Variants in SNX2 observed in about 807,000 individuals in gnomAD.
SNX2 encodes the protein sorting nexin 2, also known as sorting nexin-2.
SNX2 carries 25 observed loss-of-function variants against 69.9 expected under a neutral mutation model. That is an observed-to-expected ratio of 0.36 (90% CI 0.26 to 0.50). The LOEUF (loss-of-function observed/expected upper bound fraction) is 0.50. SNX2 is among the 20% of genes least tolerant of loss of function. The probability of loss-of-function intolerance (pLI) is 0.97; values close to 1 mark genes in which losing one functional copy is unlikely to be tolerated. For missense variants in SNX2, 551 were observed against 613.3 expected (o/e 0.90, Z 1.07); for synonymous variants, 229 against 200.4 (o/e 1.14, Z -1.20).
At chr5:122,801,798 A>G (rs1318620940) in intron 3 of SNX2, 71 bp from the exon 4 acceptor site, 1 of 961,684 alleles carries the variant, frequency 1.0e-6, no homozygotes. Context: ...AAAATAGATG[A>G]TAAAAATTAG....
intron 1 of SNX2, 45 bp downstream of exon 1, chr5:122,775,256 C>A: frequency 1.3e-6 from 2 of 1,517,068 alleles, no homozygotes; most frequent in Middle Eastern, 1.7e-4. Context: ...AGCTGCCGCG[C>A]GTCTCACCTT....
chr5:122,805,178 C>T (rs13163382), intron 6 of SNX2, among the ~76,000 whole-genome samples: 30,820 of 151,292 alleles, frequency 0.2, 3,549 homozygotes, highest in East Asian at 0.46. Flanking sequence ...GTAATCCCAG[C>T]TACTTGGGAG....
At chr5:122,785,944 A>G (rs1226559972) in intron 1 of SNX2, among the ~76,000 whole-genome samples, 3 of 152,320 alleles carry the variant, frequency 2.0e-5, no homozygotes, top group Middle Eastern at 3.4e-3. Context: ...TGTTTTATCA[A>G]TTACTGAGAG....
In SNX2 at chr5:122,806,144, A is replaced by G. The variant is rs201202703; in HGVS notation, c.644-2133A>G. On this transcript the variant is annotated intron_variant, in intron 6 of 14. Transcript: ENST00000379516. ...TGTATATATATACACACGCGCGCGC[A>G]CACACACACACACACACACACACAG... 8.6e-3 allele frequency among the ~76,000 whole-genome samples: 77 copies of G among 8,904 alleles called. No homozygotes were observed. The South Asian group carries it at 0.23, about 27-fold the overall frequency. The allele number at this position is 8,904 out of a possible 152,430, so 5.8% of individuals were successfully genotyped here. A position where few individuals can be genotyped will look rare whatever the true frequency, so the allele number is the denominator to read the frequency against.
In SNX2 at chr5:122,775,125, C is replaced by G; in HGVS notation, c.22C>G (p.Pro8Ala). MAAEREP[P>A]PLGDGKPTDF... ...GAAGATGGCGGCCGAGAGGGAACCTCCTCCGCTGGGGGACGGGAAGCCCAC... is the reference window on the plus strand; with the variant it reads ...GAAGATGGCGGCCGAGAGGGAACCTGCTCCGCTGGGGGACGGGAAGCCCAC... Residue 8 changes from proline (P) to alanine (A), a missense_variant, in exon 1 of 15, where the codon CCT becomes GCT. Physicochemically the swap from Pro to Ala is conservative, Grantham distance 27. Coordinates refer to ENST00000379516, the MANE Select transcript of SNX2 (RefSeq NM_003100.4). 1 of 1,593,082 alleles carries G rather than the reference C, an allele frequency of 6.3e-7. No individual in the cohort carries two copies. Among genetic ancestry groups the G allele is most frequent in the Non-Finnish European group, 8.5e-7 (1 of 1,171,680 alleles).
At chr5:122,827,211 T>A (rs1754168486) in intron 12 of SNX2, 168 bp from the exon 13 acceptor site, 6 of 596,774 alleles carry the variant, frequency 1.0e-5, no homozygotes, top group Non-Finnish European at 1.8e-5. Context: ...TAACATGCAT[T>A]TCTATTGGTT....
chr5:122,805,041 C>T (rs1320983253), intron 6 of SNX2, among the ~76,000 whole-genome samples: 1 of 151,942 alleles, frequency 6.6e-6, no homozygotes, highest in Admixed American at 6.6e-5. Context: ...CCTGTAATCT[C>T]GGCACTTTGG....
chr5:122,816,162 G>A (rs2150014191), intron 8 of SNX2, among the ~76,000 whole-genome samples, 191 bp downstream of exon 8: 1 of 152,198 alleles, frequency 6.6e-6, no homozygotes, highest in South Asian at 2.1e-4. Context: ...TACTTGTAGG[G>A]TGATTAGTCC....
intron 3 of SNX2, among the ~76,000 whole-genome samples, chr5:122,800,801 A>G (rs1312886569): frequency 8.0e-6 from 1 of 125,768 alleles, no homozygotes; most frequent in Non-Finnish European, 1.7e-5. Flanking sequence ...AACACTTTGC[A>G]TTTAGATAGT....
At chr5:122,828,326 G>A (rs1211025518) in intron 14 of SNX2, among the ~76,000 whole-genome samples, 2 of 151,906 alleles carry the variant, frequency 1.3e-5, no homozygotes, top group African/African-American at 4.8e-5. Flanking sequence ...TCTTCAAATT[G>A]TGTTTAATTT....
chr5:122,825,002 A>C (rs776437393), intron 11 of SNX2, among the ~76,000 whole-genome samples: 13 of 152,250 alleles, frequency 8.5e-5, no homozygotes, highest in Non-Finnish European at 1.3e-4. Context: ...CCATGGTCAT[A>C]CGGTGACAAA....
At chr5:122,817,142 C>G in intron 9 of SNX2, 114 bp downstream of exon 9, 3 of 1,122,562 alleles carry the variant, frequency 2.7e-6, no homozygotes, top group Non-Finnish European at 4.0e-6. Flanking sequence ...GAGTTTAGTT[C>G]TCAGCCACAT....
chr5:122,775,019 T>C, upstream of SNX2: 1 of 1,298,966 alleles, frequency 7.7e-7, no homozygotes, highest in South Asian at 1.8e-5. Flanking sequence ...GCGGGGAGGC[T>C]GGCGGGTCGG....
chr5:122,806,164 A>ACACAGCC (rs1753652386), intron 6 of SNX2, among the ~76,000 whole-genome samples: 1 of 147,820 alleles, frequency 6.8e-6, no homozygotes, highest in South Asian at 2.2e-4. Context: ...ACACACACAC[A>ACACAGCC]CACAGCCCAC....
At chr5:122,803,334 C>CTA (rs1350905951) in intron 5 of SNX2, 138 bp from the exon 6 acceptor site, 2 of 718,080 alleles carry the variant, frequency 2.8e-6, no homozygotes, top group Non-Finnish European at 4.3e-6. Flanking sequence ...AGTTAGAAAC[C>CTA]TATATACCAC....
In SNX2 at chr5:122,801,852, T is replaced by A; in HGVS notation, c.391-17T>A. 3.4e-6 allele frequency: 5 copies of A among 1,466,642 alleles called. No homozygotes were observed. The highest frequency in any genetic ancestry group is 4.7e-6 in the Non-Finnish European group (5 of 1,064,650). The allele number at this position is 1,466,642 out of a possible 1,614,324, so 90.9% of individuals were successfully genotyped here. On this transcript the variant is annotated splice_polypyrimidine_tract_variant and intron_variant, in intron 3 of 14. Coordinates refer to ENST00000379516, the MANE Select transcript of SNX2 (RefSeq NM_003100.4). ...AATTATAATTTTTAATGCCAAAAAATAATTTATACTTTCTAGATTGAAGAA... is the reference window on the plus strand; with the variant it reads ...AATTATAATTTTTAATGCCAAAAAAAAATTTATACTTTCTAGATTGAAGAA...
chr5:122,796,826 A>C (rs1341249430), intron 2 of SNX2, among the ~76,000 whole-genome samples: 1 of 152,140 alleles, frequency 6.6e-6, no homozygotes, highest in African/African-American at 2.4e-5. Context: ...GTGTTTGTGT[A>C]CATGCAAGGT....
At chr5:122,782,174 A>G (rs918521926) in intron 1 of SNX2, among the ~76,000 whole-genome samples, 2 of 152,172 alleles carry the variant, frequency 1.3e-5, no homozygotes, top group African/African-American at 4.8e-5. Context: ...GTATCTTTTT[A>G]TGTACATACC....
chr5:122,800,568 G>A (rs1296814100), intron 3 of SNX2, among the ~76,000 whole-genome samples: 1 of 152,198 alleles, frequency 6.6e-6, no homozygotes, highest in Non-Finnish European at 1.5e-5. Context: ...GGCAGGTAAA[G>A]AATGGGTAGT....
Sources: allele counts gnomAD v4.1 joint callset (sites outside exome capture counted in the v4.1 genomes callset), GRCh38; gene constraint gnomAD v4.1.1; transcripts MANE v1.5; gene names NCBI Gene and HGNC (gene_info 2026-07-23, HGNC 2026-07-21).